Variants in GRM7 observed in about 807,000 individuals in gnomAD.
The protein encoded by GRM7 is metabotropic glutamate receptor 7.
GRM7 carries 35 observed loss-of-function variants against 84.5 expected under a neutral mutation model. The ratio of observed to expected loss-of-function variants is 0.41; its 90% CI spans 0.32 to 0.55. The LOEUF (loss-of-function observed/expected upper bound fraction) is 0.55, where lower values mean the gene tolerates loss of function less well. GRM7 is among the 20% of genes least tolerant of loss of function. The pLI is 0.19. For missense variants in GRM7, 1,003 were observed against 1,194.6 expected (o/e 0.84, Z 2.36); for synonymous variants, 487 against 455.1 (o/e 1.07, Z -0.89).
rs115480396 is a variant in GRM7, at chr3:7,295,870, A to G, written c.737-2814A>G. Among the ~76,000 whole-genome samples the G allele has an allele frequency of 4.6e-3, 697 of 151,894 alleles. 6 individuals carry two copies. Among genetic ancestry groups the G allele is most frequent in the African/African-American group, 0.016 (668 of 41,430 alleles). ...GTCATATGTAAATAGAACTGATTTT[A>G]CTTTTTCCTTTGAAACATGTATATA... On this transcript the variant is annotated intron_variant, in intron 2 of 9. Transcript: ENST00000357716.
At chr3:7,439,425 G>A (rs1420490179) in intron 5 of GRM7, among the ~76,000 whole-genome samples, 1 of 152,154 alleles carries the variant, frequency 6.6e-6, no homozygotes, top group African/African-American at 2.4e-5. Flanking sequence ...AGGAACCAGA[G>A]CCAGAAAAGG....
At chr3:6,922,322 A>G (rs1697154874) in intron 1 of GRM7, among the ~76,000 whole-genome samples, 1 of 152,198 alleles carries the variant, frequency 6.6e-6, no homozygotes, top group Non-Finnish European at 1.5e-5. Context: ...ATTACCGAAG[A>G]TAGTCACTTT....
chr3:7,228,079 T>C lies in GRM7; in HGVS notation c.737-70605T>C, dbSNP rs544048827. Reference sequence around the variant, plus strand: ...GCTCTAATATTATCAATGTATGTCTTATACCCATTGCTGAGTCCATAAATC... The same window carrying C: ...GCTCTAATATTATCAATGTATGTCTCATACCCATTGCTGAGTCCATAAATC... On this transcript the variant is annotated intron_variant, in intron 2 of 9. Coordinates refer to ENST00000357716, the MANE Select transcript of GRM7 (RefSeq NM_000844.4). 3.4e-3 allele frequency among the ~76,000 whole-genome samples: 521 copies of C among 152,308 alleles called. 1 individual carries two copies. The highest frequency in any genetic ancestry group is 0.012 in the African/African-American group (491 of 41,564).
intron 7 of GRM7, among the ~76,000 whole-genome samples, chr3:7,543,148 C>A (rs1312586937): frequency 2.0e-5 from 3 of 152,144 alleles, no homozygotes; most frequent in Admixed American, 1.3e-4. Flanking sequence ...ATTAGGGAGT[C>A]AGTTTTACAA....
intron 4 of GRM7, among the ~76,000 whole-genome samples, chr3:7,394,294 C>G (rs1695120014): frequency 6.6e-6 from 1 of 152,202 alleles, no homozygotes; most frequent in African/African-American, 2.4e-5. Context: ...TAGATTCACA[C>G]AGCATTTCTT....
intron 8 of GRM7, among the ~76,000 whole-genome samples, chr3:7,589,844 G>A (rs2125062284): frequency 6.6e-6 from 1 of 152,254 alleles, no homozygotes; most frequent in Middle Eastern, 3.4e-3. Flanking sequence ...GCCTGAAATT[G>A]AAAATTGTCT....
intron 1 of GRM7, among the ~76,000 whole-genome samples, chr3:7,009,745 C>T (rs1445355074): frequency 2.6e-5 from 4 of 152,238 alleles, no homozygotes; most frequent in African/African-American, 7.2e-5. Context: ...CTTTCAGATG[C>T]GTGTCTATTG....
chr3:7,340,966 A>G (rs73030031), intron 4 of GRM7, among the ~76,000 whole-genome samples: 12 of 152,242 alleles, frequency 7.9e-5, no homozygotes, highest in Non-Finnish European at 1.8e-4. Context: ...CTGCAGAGAG[A>G]CAGGCTCTGC....
rs1421945353 is a variant in GRM7 at position 6,861,435 on chromosome 3, T to A, written c.47T>A (p.Phe16Tyr). Residue 16 changes from phenylalanine to tyrosine, a missense_variant, in exon 1 of 10, where the codon TTC becomes TAC. Coordinates refer to ENST00000357716, the MANE Select transcript of GRM7 (RefSeq NM_000844.4). This position sits in a 1 kb window ranked among gnomAD's most constrained non-coding sequence, Gnocchi z 6.4. The stretch of plus-strand genomic sequence containing the variant: ...CTCCGCGTCCTGACTTTGATGAAGT[T>A]CCCCTGCTGCGTGCTGGAGGTGCTC... ...KLLRVLTLMKFPCCVLEVLLC... is the reference protein window; with the variant it reads ...KLLRVLTLMKYPCCVLEVLLC... The A allele has an allele frequency of 6.3e-7, 1 of 1,576,320 alleles. No individual in the cohort carries two copies. The highest frequency in any genetic ancestry group is 2.4e-5 in the East Asian group (1 of 42,506).
At position 7,223,605 on chromosome 3, in the gene GRM7, G is replaced by A. The variant is rs79328216; in HGVS notation, c.737-75079G>A. ...ATAGAAATGTTTTATATTTTATTTT[G>A]GGTATTTCCTATATACTCATCTGTA... On this transcript the variant is annotated intron_variant, in intron 2 of 9. Coordinates refer to ENST00000357716, the MANE Select transcript of GRM7 (RefSeq NM_000844.4). Among the ~76,000 whole-genome samples, 210 of 151,448 alleles carry A rather than the reference G, an allele frequency of 1.4e-3. 1 individual carries two copies. Among genetic ancestry groups the A allele is most frequent in the Non-Finnish European group, 2.6e-3 (178 of 67,850 alleles).
intron 8 of GRM7, among the ~76,000 whole-genome samples, chr3:7,606,656 C>T (rs1218502197): frequency 6.6e-6 from 1 of 152,110 alleles, no homozygotes; most frequent in African/African-American, 2.4e-5. Context: ...GCCTCAGCCT[C>T]CTGAGTAGCT....
intron 2 of GRM7, among the ~76,000 whole-genome samples, chr3:7,181,849 G>C (rs531571136): frequency 6.6e-6 from 1 of 152,060 alleles, no homozygotes; most frequent in Non-Finnish European, 1.5e-5. Context: ...GAGCTCAAGC[G>C]ATCCTCCCTC....
intron 9 of GRM7, among the ~76,000 whole-genome samples, chr3:7,721,605 A>C (rs1313227608): frequency 6.6e-6 from 1 of 152,222 alleles, no homozygotes; most frequent in Admixed American, 6.5e-5. Flanking sequence ...TCTAGCACTA[A>C]TCAGTAGATA....
intron 5 of GRM7, among the ~76,000 whole-genome samples, chr3:7,437,725 A>T (rs901802195): frequency 2.0e-5 from 3 of 151,772 alleles, no homozygotes; most frequent in Admixed American, 2.0e-4. Flanking sequence ...TGTGTTCCCC[A>T]TCCTACATCC....
intron 7 of GRM7, among the ~76,000 whole-genome samples, chr3:7,489,259 A>G (rs1167974683): frequency 6.6e-6 from 1 of 152,122 alleles, no homozygotes; most frequent in African/African-American, 2.4e-5. Context: ...AAATTTTTTT[A>G]TGAACTAGAA....
intron 5 of GRM7, among the ~76,000 whole-genome samples, chr3:7,444,026 C>T (rs1355426735): frequency 6.6e-6 from 1 of 152,176 alleles, no homozygotes; most frequent in Non-Finnish European, 1.5e-5. Flanking sequence ...GTGTTGTCAA[C>T]CTGATCTATT....
Position 7,106,256 on chromosome 3 carries a change from A to G in GRM7, c.520-40196A>G, listed in dbSNP as rs114755410. 5.1e-3 allele frequency among the ~76,000 whole-genome samples: 746 copies of G among 145,230 alleles called. 8 individuals are homozygous for G. The highest frequency in any genetic ancestry group is 0.02 in the African/African-American group (716 of 36,446). ...TTTGAAAAGGTCAGGAACAACTTCA[A>G]TAAAGCAATTCATTTTTCTTTTTTT... On this transcript the variant is annotated intron_variant, in intron 1 of 9. Transcript: ENST00000357716.
intron 7 of GRM7, among the ~76,000 whole-genome samples, chr3:7,480,823 T>C (rs1699100038): frequency 6.6e-6 from 1 of 152,190 alleles, no homozygotes; most frequent in Non-Finnish European, 1.5e-5. Flanking sequence ...CTGATTCTAT[T>C]GAAGCAACCT....
chr3:7,448,065 C>G (rs965719037), intron 5 of GRM7, among the ~76,000 whole-genome samples: 1 of 151,822 alleles, frequency 6.6e-6, no homozygotes, highest in Non-Finnish European at 1.5e-5. Context: ...CATGTCCCTA[C>G]AAAGGACATG....
Sources: gnomAD v4.1 joint callset for allele counts (sites outside exome capture counted in the v4.1 genomes callset) on GRCh38, gnomAD v4.1.1 for gene constraint, Gnocchi (gnomAD v3.1) non-coding constraint, MANE v1.5 for transcripts, NCBI Gene and HGNC (gene_info 2026-07-23, HGNC 2026-07-21) for gene names.